The following TC2N variants were observed in gnomAD, a reference collection of about 807,000 sequenced individuals.
The protein encoded by TC2N is tandem C2 domains, nuclear, also known as tandem C2 domains nuclear protein.
A neutral mutation model predicts 61.9 loss-of-function variants in TC2N; 51 were observed. The observed-to-expected ratio is 0.82, with a 90% confidence interval of 0.66 to 1.04. The LOEUF is 1.04. Among genes scored for constraint, TC2N ranks in the 50% least tolerant of loss-of-function variants. TC2N has a pLI of 0.00. For synonymous variants in TC2N, 204 were observed against 192.6 expected (o/e 1.06, Z -0.49); for missense variants, 556 against 566.7 (o/e 0.98, Z 0.19).
intron 10 of TC2N, 46 bp downstream of exon 10, chr14:91,787,467 A>T (rs140265491): frequency 8.9e-7 from 1 of 1,118,608 alleles, no homozygotes; most frequent in Non-Finnish European, 1.3e-6. Flanking sequence ...ACTTTCTATT[A>T]CTAATACTTT....
chr14:91,852,131 T>C (rs1421517574), intron 1 of TC2N, among the ~76,000 whole-genome samples: 1 of 152,200 alleles, frequency 6.6e-6, no homozygotes, highest in African/African-American at 2.4e-5. Context: ...GCATACTCTA[T>C]TGGAATAAAA....
At chr14:91,785,494 G>A (rs1595217623) in intron 10 of TC2N, 133 bp from the exon 11 acceptor site, 1 of 643,662 alleles carries the variant, frequency 1.6e-6, no homozygotes. Context: ...ACTTTTAAAT[G>A]TTTGATGAGC....
intron 4 of TC2N, 135 bp from the exon 5 acceptor site, chr14:91,800,507 T>C (rs1886177857): frequency 6.7e-6 from 3 of 447,786 alleles, no homozygotes; most frequent in Non-Finnish European, 1.2e-5. Context: ...AGCCTTCTAA[T>C]AAAAATTTTT....
intron 11 of TC2N, among the ~76,000 whole-genome samples, chr14:91,784,125 T>C (rs910302246): frequency 6.6e-6 from 1 of 152,110 alleles, no homozygotes; most frequent in Non-Finnish European, 1.5e-5. Context: ...CAAGAACCTT[T>C]CCAGAATTAT....
At chr14:91,836,016 C>A (rs1031870967) in intron 1 of TC2N, among the ~76,000 whole-genome samples, 1 of 152,138 alleles carries the variant, frequency 6.6e-6, no homozygotes, top group Non-Finnish European at 1.5e-5. Flanking sequence ...GTCGCCCACC[C>A]CTGGTGCCCT....
intron 1 of TC2N, among the ~76,000 whole-genome samples, chr14:91,846,065 A>C (rs1888265029): frequency 6.6e-6 from 1 of 152,192 alleles, no homozygotes; most frequent in Non-Finnish European, 1.5e-5. Flanking sequence ...GAAGAGGGTC[A>C]AGGGATCTGC....
rs149920767 is a variant in TC2N, at chr14:91,848,509, G to T, written c.-57+18753C>A. On this transcript the variant is annotated intron_variant, in intron 1 of 11. Coordinates refer to ENST00000435962, the MANE Select transcript of TC2N (RefSeq NM_001128596.3). ...TCTGCGTATTTATTCCAGCTCCCTT[G>T]CAAGTGTCAGCCTAGTGGGAGGAAA... Among the ~76,000 whole-genome samples, 27 of 152,262 alleles carry T rather than the reference G, an allele frequency of 1.8e-4. 1 individual carries two copies. The East Asian group carries it at 4.4e-3, about 25-fold the overall frequency.
intron 1 of TC2N, among the ~76,000 whole-genome samples, chr14:91,814,961 C>G (rs1886944903): frequency 6.6e-6 from 1 of 150,834 alleles, no homozygotes; most frequent in African/African-American, 2.4e-5. Flanking sequence ...TAAATACATA[C>G]AATTTGTTCA....
chr14:91,841,693 G>C (rs1452974864), intron 1 of TC2N, among the ~76,000 whole-genome samples: 1 of 152,186 alleles, frequency 6.6e-6, no homozygotes, highest in Non-Finnish European at 1.5e-5. Flanking sequence ...CCAGCAGTTA[G>C]ACATGTGCGG....
At chr14:91,830,910 C>T (rs993664434) in intron 1 of TC2N, among the ~76,000 whole-genome samples, 10 of 152,090 alleles carry the variant, frequency 6.6e-5, no homozygotes, top group African/African-American at 2.4e-4. Flanking sequence ...AGTTTTTCGC[C>T]CTTCTCGTGA....
intron 3 of TC2N, among the ~76,000 whole-genome samples, chr14:91,804,277 T>C (rs148347469): frequency 1.4e-3 from 206 of 152,278 alleles, no homozygotes; most frequent in African/African-American, 4.0e-3. Context: ...GAAAAAGAGT[T>C]TGGCAATTTC....
Position 91,797,777 on chromosome 14 carries a change from C to G in TC2N, c.855+8G>C. On this transcript the variant is annotated splice_region_variant and intron_variant, in intron 8 of 11. Transcript: ENST00000435962. ...AGAAAAGAAATTCAAATACAAACAG[C>G]CACTTACGTTGGAACCTTCCTTGGC... is the stretch of plus-strand genomic sequence containing the variant. The G allele has an allele frequency of 2.7e-6, 4 of 1,495,950 alleles. No homozygotes were observed. Among genetic ancestry groups the G allele is most frequent in the Non-Finnish European group, 3.7e-6 (4 of 1,092,950 alleles). The allele number at this position is 1,495,950 out of a possible 1,614,324, so 92.7% of individuals were successfully genotyped here.
intron 1 of TC2N, among the ~76,000 whole-genome samples, chr14:91,852,713 G>A (rs1012763473): frequency 6.6e-6 from 1 of 152,148 alleles, no homozygotes; most frequent in Non-Finnish European, 1.5e-5. Flanking sequence ...GGAACAGTGA[G>A]AGGGCCAGAC....
chr14:91,858,932 C>A (rs1445886808), intron 1 of TC2N, among the ~76,000 whole-genome samples: 1 of 152,154 alleles, frequency 6.6e-6, no homozygotes, highest in Non-Finnish European at 1.5e-5. Context: ...ATAGCCCAAA[C>A]AACAAGAGGG....
At chr14:91,813,882 A>G in intron 1 of TC2N, 57 bp from the exon 2 acceptor site, 1 of 623,182 alleles carries the variant, frequency 1.6e-6, no homozygotes, top group South Asian at 2.5e-5. Context: ...ACCATTAGAT[A>G]TTACTAAATA....
chr14:91,823,103 A>T (rs118012754), intron 1 of TC2N, among the ~76,000 whole-genome samples: 2,987 of 152,338 alleles, frequency 0.02, 43 homozygotes, highest in Middle Eastern at 0.061. Flanking sequence ...TTTCAAGTAT[A>T]TGTAACTTAC....
Position 91,856,651 on chromosome 14 carries a change from G to A in TC2N, c.-57+10611C>T, listed in dbSNP as rs374468670. 5.3e-5 allele frequency among the ~76,000 whole-genome samples: 8 copies of A among 152,266 alleles called. No individual in the cohort carries two copies. The East Asian group carries it at 1.5e-3, about 29-fold the overall frequency. ...GTTCATGACCCTAATTAATGTCAAA[G>A]CCCAGAGTGCCATATGGGAGCCCTC... On this transcript the variant is annotated intron_variant, in intron 1 of 11. Transcript: ENST00000435962.
At chr14:91,856,811 T>TGCC (rs1469364999) in intron 1 of TC2N, among the ~76,000 whole-genome samples, 1 of 152,180 alleles carries the variant, frequency 6.6e-6, no homozygotes, top group Admixed American at 6.5e-5. Context: ...CCTGGCCTCT[T>TGCC]GGTGTTTTTT....
At position 91,850,666 on chromosome 14, in the gene TC2N, C is replaced by T. The variant is rs2139917811; in HGVS notation, c.-57+16596G>A. 1.3e-5 allele frequency among the ~76,000 whole-genome samples: 2 copies of T among 152,374 alleles called. 1 individual carries two copies. Among genetic ancestry groups the T allele is most frequent in the South Asian group, 4.1e-4 (2 of 4,824 alleles). On this transcript the variant is annotated intron_variant, in intron 1 of 11. Coordinates refer to ENST00000435962, the MANE Select transcript of TC2N (RefSeq NM_001128596.3). ...TCTAATGCCTGCCCAGGCACAGTGG[C>T]TTACGCCTGTAATCCCACCACTTTG... is the stretch of plus-strand genomic sequence containing the variant.
Sources: gnomAD v4.1 joint callset for allele counts (sites outside exome capture counted in the v4.1 genomes callset) on GRCh38, gnomAD v4.1.1 for gene constraint, MANE v1.5 for transcripts, NCBI Gene and HGNC (gene_info 2026-07-23, HGNC 2026-07-21) for gene names.